KIF21A: variants seen among roughly 807,000 people sequenced by gnomAD.
KIF21A encodes the protein kinesin family member 21A, also known as kinesin-like protein KIF21A.
In KIF21A, 114 loss-of-function variants were observed where a neutral mutation model predicts 202.9. The ratio of observed to expected loss-of-function variants is 0.56; its 90% CI spans 0.48 to 0.66. The LOEUF (loss-of-function observed/expected upper bound fraction) is 0.66. Ranked by LOEUF, KIF21A falls within the 30% of genes least tolerant of loss-of-function variation. The pLI, the probability that KIF21A is intolerant of heterozygous loss-of-function variation, is 0.00. For synonymous variants in KIF21A, 667 were observed against 670.8 expected, an observed-to-expected ratio of 0.99 and a Z score of 0.09; for missense variants, 1,677 against 1,994.9, an observed-to-expected ratio of 0.84 and a Z score of 3.04.
intron 1 of KIF21A, among the ~76,000 whole-genome samples, chr12:39,417,471 G>A (rs1294381171): frequency 6.6e-6 from 1 of 151,954 alleles, no homozygotes; most frequent in Admixed American, 6.6e-5. Flanking sequence ...AAATATATTA[G>A]CCGGCTACTT....
intron 31 of KIF21A, chr12:39,312,665 T>C (rs965018569): frequency 6.6e-6 from 1 of 151,932 alleles, no homozygotes; most frequent in Non-Finnish European, 1.5e-5. Context: ...CTGCAAAAAT[T>C]TAAAATAAAA....
At chr12:39,429,530 T>C (rs1955019866) in intron 1 of KIF21A, among the ~76,000 whole-genome samples, 1 of 152,162 alleles carries the variant, frequency 6.6e-6, no homozygotes, top group Non-Finnish European at 1.5e-5. Flanking sequence ...GAATCTCTGT[T>C]AAAGAAATAG....
At position 39,416,715 on chromosome 12, in the gene KIF21A, G is replaced by GTATATATATGTACATATATATGTGTATA. The variant is rs35740569; in HGVS notation, c.44+26211_44+26212insTATACACATATATATGTACATATATATA. The stretch of plus-strand genomic sequence containing the variant: ...TATATATATGTACATATATATGTGT[G>GTATATATATGTACATATATATGTGTATA]TATATATGTACATATATATGTGTAT... On this transcript the variant is annotated intron_variant, in intron 1 of 37. Coordinates refer to ENST00000361418, the MANE Select transcript of KIF21A (RefSeq NM_001173464.2). 2.8e-3 allele frequency among the ~76,000 whole-genome samples: 209 copies of GTATATATATGTACATATATATGTGTATA among 74,322 alleles called. 39 individuals are homozygous for GTATATATATGTACATATATATGTGTATA. The highest frequency in any genetic ancestry group is 0.012 in the African/African-American group (165 of 13,786). 48.8% of individuals were successfully genotyped at this position (74,322 alleles called of 152,430 possible). A position where few individuals can be genotyped will look rare whatever the true frequency, so the allele number is the denominator to read the frequency against.
At position 39,346,519 on chromosome 12, in the gene KIF21A, G is replaced by A. The variant is rs1475426291; in HGVS notation, c.1674-15C>T. 6.8e-7 allele frequency: 1 copy of A among 1,475,926 alleles called. No homozygotes were observed. Among genetic ancestry groups the A allele is most frequent in the Non-Finnish European group, 9.0e-7 (1 of 1,115,822 alleles). The allele number at this position is 1,475,926 out of a possible 1,614,324, so 91.4% of individuals were successfully genotyped here. On this transcript the variant is annotated splice_polypyrimidine_tract_variant and intron_variant, in intron 11 of 37. Coordinates refer to ENST00000361418, the MANE Select transcript of KIF21A (RefSeq NM_001173464.2). Reference sequence around the variant, plus strand: ...GTTTCTGTAGCCTTCAAAATCACGAGGCACAGTATTGGAAGGCCAAGCCAA... The same window carrying A: ...GTTTCTGTAGCCTTCAAAATCACGAAGCACAGTATTGGAAGGCCAAGCCAA...
chr12:39,307,773 T>G (rs1029795088), intron 33 of KIF21A, 44 bp from the exon 34 acceptor site: 2 of 1,585,102 alleles, frequency 1.3e-6, no homozygotes, highest in Non-Finnish European at 1.7e-6. Context: ...CTTCTGGACT[T>G]GGGTTTGGCT....
intron 1 of KIF21A, among the ~76,000 whole-genome samples, chr12:39,399,523 T>C (rs1049350602): frequency 3.3e-5 from 5 of 152,230 alleles, no homozygotes; most frequent in African/African-American, 9.6e-5. Context: ...ATTCATGAAG[T>C]TGTAAATATA....
At chr12:39,330,056 A>C in intron 24 of KIF21A, 186 bp downstream of exon 24, 1 of 543,408 alleles carries the variant, frequency 1.8e-6, no homozygotes, top group Admixed American at 3.2e-5. Flanking sequence ...TAAGGATTTT[A>C]AAATCAGGAA....
At chr12:39,363,451 T>C (rs1949385558) in intron 6 of KIF21A, among the ~76,000 whole-genome samples, 1 of 152,066 alleles carries the variant, frequency 6.6e-6, no homozygotes, top group African/African-American at 2.4e-5. Context: ...ACTAATTCTT[T>C]GAAACAGAAA....
At chr12:39,379,500 C>A (rs1379616312) in intron 1 of KIF21A, among the ~76,000 whole-genome samples, 1 of 152,090 alleles carries the variant, frequency 6.6e-6, no homozygotes, top group Non-Finnish European at 1.5e-5. Flanking sequence ...GAGATCTCTG[C>A]CAAATATTTC....
intron 12 of KIF21A, among the ~76,000 whole-genome samples, chr12:39,342,963 G>A (rs1947568333): frequency 6.6e-6 from 1 of 152,056 alleles, no homozygotes; most frequent in South Asian, 2.1e-4. Context: ...AATCCTTTGT[G>A]GGTTTAGCAA....
intron 32 of KIF21A, among the ~76,000 whole-genome samples, chr12:39,311,078 C>T (rs1307351637): frequency 6.6e-6 from 1 of 151,978 alleles, no homozygotes. Flanking sequence ...ATAGTGGTTG[C>T]TATGCATCTT....
chr12:39,303,634 T>G (rs1023337540), intron 35 of KIF21A, among the ~76,000 whole-genome samples: 5 of 152,224 alleles, frequency 3.3e-5, no homozygotes, highest in Non-Finnish European at 7.3e-5. Context: ...GGAAACCAGA[T>G]TTTTTTCATG....
chr12:39,432,415 A>G (rs1339369964), intron 1 of KIF21A, among the ~76,000 whole-genome samples: 1 of 152,222 alleles, frequency 6.6e-6, no homozygotes, highest in Non-Finnish European at 1.5e-5. Context: ...GAAATGAAAC[A>G]TTATAAAGAA....
chr12:39,333,266 A>G lies in KIF21A; in HGVS notation c.2433T>C (p.Leu811=). ...DQRKRDHQLR[L]LEAQKRNQEV... is the part of the protein sequence containing the mutation. ...CTTGGTTTCTTTTTTGGGCTTCCAG[A>G]AGTCTAAGTTGATGCTATAAAATAA... Residue 811 remains leucine, a synonymous_variant, in exon 18 of 38, where the codon CTT becomes CTC. Transcript: ENST00000361418. 2 of 1,608,668 alleles carry G rather than the reference A, an allele frequency of 1.2e-6. No homozygotes were observed. Among genetic ancestry groups the G allele is most frequent in the Non-Finnish European group, 1.7e-6 (2 of 1,175,038 alleles).
intron 1 of KIF21A, among the ~76,000 whole-genome samples, chr12:39,412,809 AACT>A (rs1191701974): frequency 6.6e-6 from 1 of 152,172 alleles, no homozygotes; most frequent in Non-Finnish European, 1.5e-5. Flanking sequence ...CCTACTTTTG[AACT>A]ACCTGAGTCC....
At chr12:39,426,794 G>C (rs1954795194) in intron 1 of KIF21A, among the ~76,000 whole-genome samples, 1 of 150,568 alleles carries the variant, frequency 6.6e-6, no homozygotes, top group South Asian at 2.1e-4. Flanking sequence ...TGAGGCACAA[G>C]GATTGCCTGA....
chr12:39,340,689 T>C (rs1212693949), intron 15 of KIF21A, among the ~76,000 whole-genome samples: 3 of 152,066 alleles, frequency 2.0e-5, no homozygotes, highest in African/African-American at 4.8e-5. Context: ...TATTTAACAT[T>C]ATGAGACAAA....
At chr12:39,426,290 G>A (rs78818269) in intron 1 of KIF21A, among the ~76,000 whole-genome samples, 9,905 of 152,288 alleles carry the variant, frequency 0.065, 1,078 homozygotes, top group African/African-American at 0.23. Context: ...TGTGAGAAAA[G>A]GATGTTGCGA....
chr12:39,315,944 G>T lies in KIF21A; in HGVS notation c.3935C>A (p.Ser1312Ter). 6.2e-7 allele frequency: 1 copy of T among 1,604,778 alleles called. No homozygotes were observed. Among genetic ancestry groups the T allele is most frequent in the Non-Finnish European group, 8.5e-7 (1 of 1,171,844 alleles). ...GGAAAGAAAGTACCTGTGTACCTCC[G>T]AGAGAGAGGAGTCACTTTCATCAGA... ...DKSDESDSSL[S>*]EVHRSSRRGI... The change falls in exon 30 of 38, where the codon TCG becomes TAG. Residue 1312 changes from serine to a stop codon, truncating the protein, a stop_gained. Coordinates refer to ENST00000361418, the MANE Select transcript of KIF21A (RefSeq NM_001173464.2). LOFTEE classifies it high-confidence loss of function.
Sources: allele counts gnomAD v4.1 joint callset (sites outside exome capture counted in the v4.1 genomes callset), GRCh38; gene constraint gnomAD v4.1.1; transcripts MANE v1.5; gene names NCBI Gene and HGNC (gene_info 2026-07-23, HGNC 2026-07-21).